The following DNASE1 variants were observed in gnomAD, a reference collection of about 807,000 sequenced individuals.
The protein encoded by DNASE1 is deoxyribonuclease 1, also known as deoxyribonuclease-1.
In DNASE1, 40 loss-of-function variants were observed where a neutral mutation model predicts 33.9. The observed-to-expected ratio is 1.18, with a 90% CI of 0.92 to 1.54. DNASE1 has a LOEUF of 1.54. DNASE1 is among the 40% of genes most tolerant of loss of function. The probability of loss-of-function intolerance (pLI) is 0.00; values close to 1 mark genes in which losing one functional copy is unlikely to be tolerated. For synonymous variants in DNASE1, 216 were observed against 160.0 expected (o/e 1.35, Z -2.64); for missense variants, 518 against 372.6 (o/e 1.39, Z -3.21).
Position 3,658,095 on chromosome 16 carries a change from A to G in DNASE1, c.*142A>G, listed in dbSNP as rs1259807082. ...TAAAGCTCAAGGAGGTGGGGCTGTC[A>G]TCTGTGGTGTCAGTCCTTCTGGCCC... On this transcript the variant is annotated 3_prime_UTR_variant, in exon 9 of 9. Coordinates refer to ENST00000246949, the MANE Select transcript of DNASE1 (RefSeq NM_005223.4). The G allele has an allele frequency of 1.2e-6, 2 of 1,611,776 alleles. No homozygotes were observed. The highest frequency in any genetic ancestry group is 3.3e-5 in the Admixed American group (2 of 59,966).
At chr16:3,643,992 C>T (rs547202923) in intron 1 of DNASE1, among the ~76,000 whole-genome samples, 5 of 152,068 alleles carry the variant, frequency 3.3e-5, no homozygotes, top group East Asian at 3.9e-4. Context: ...TTGCCTGCCT[C>T]GGCCTCCCAA....
chr16:3,652,527 A>G (rs541057620), upstream of DNASE1: 1 of 152,446 alleles, frequency 6.6e-6, no homozygotes, highest in South Asian at 2.1e-4. Flanking sequence ...AAAACAGGGA[A>G]GAACCATTGC....
chr16:3,642,323 T>C (rs1215404041), upstream of DNASE1, among the ~76,000 whole-genome samples: 8 of 152,218 alleles, frequency 5.3e-5, no homozygotes, highest in Admixed American at 5.2e-4. Context: ...CACTCCTGTG[T>C]CACCCGTAGT....
At chr16:3,659,152 C>A, downstream of DNASE1, 1 of 320,012 alleles carries the variant, frequency 3.1e-6, no homozygotes, top group Non-Finnish European at 5.7e-6. Flanking sequence ...TGCCTTGGTT[C>A]CTAGATAAAT....
intron 1 of DNASE1, among the ~76,000 whole-genome samples, chr16:3,634,803 A>C (rs763120854): frequency 5.7e-4 from 87 of 152,118 alleles, no homozygotes; most frequent in Middle Eastern, 3.4e-3. Context: ...GGTGTGAGCC[A>C]TTGTACCCAG....
chr16:3,657,711 A>G lies in DNASE1; in HGVS notation c.705-9A>G. ...GGGGAACCTACTTTCTCTTCCCAAC[A>G]CCCATCAGGATCGTGGTTGCAGGGA... On this transcript the variant is annotated splice_polypyrimidine_tract_variant and intron_variant, in intron 7 of 8. Coordinates refer to ENST00000246949, the MANE Select transcript of DNASE1 (RefSeq NM_005223.4). The G allele has an allele frequency of 6.2e-7, 1 of 1,613,762 alleles. No individual in the cohort carries two copies. Among genetic ancestry groups the G allele is most frequent in the Non-Finnish European group, 8.5e-7 (1 of 1,179,952 alleles).
exon 10 of DNASE1, chr16:3,664,116 A>G: frequency 1.4e-6 from 1 of 738,284 alleles, no homozygotes; most frequent in Non-Finnish European, 2.0e-6. Context: ...AGTGGGAAAC[A>G]GCCGTCACAG....
chr16:3,645,676 G>A (rs920122212), intron 1 of DNASE1, among the ~76,000 whole-genome samples: 1 of 152,250 alleles, frequency 6.6e-6, no homozygotes, highest in African/African-American at 2.4e-5. Flanking sequence ...ATAGCAGGCC[G>A]GGTTGGGGAA....
At chr16:3,636,473 C>T (rs1319786057) in intron 1 of DNASE1, among the ~76,000 whole-genome samples, 2 of 152,112 alleles carry the variant, frequency 1.3e-5, no homozygotes, top group African/African-American at 2.4e-5. Flanking sequence ...GCTTTTTAAT[C>T]GTAGTATGCC....
chr16:3,641,605 C>T (rs1381374073), upstream of DNASE1, among the ~76,000 whole-genome samples: 1 of 152,224 alleles, frequency 6.6e-6, no homozygotes, highest in East Asian at 1.9e-4. Context: ...CCATGTAGTT[C>T]AGCCCCACAG....
At chr16:3,624,337 ATAAAG>A (rs980712642) in intron 1 of DNASE1, among the ~76,000 whole-genome samples, 5 of 151,194 alleles carry the variant, frequency 3.3e-5, no homozygotes, top group African/African-American at 1.2e-4. Context: ...CTTTGAGATT[ATAAAG>A]TAATTTTCTG....
chr16:3,615,066 A>AT (rs376764728), intron 1 of DNASE1, among the ~76,000 whole-genome samples: 109 of 148,464 alleles, frequency 7.3e-4, no homozygotes, highest in Admixed American at 1.0e-3. Flanking sequence ...CACCTGTGGA[A>AT]TTTTTTTTTT....
At chr16:3,664,226 T>C in exon 10 of DNASE1, 1 of 1,488,052 alleles carries the variant, frequency 6.7e-7, no homozygotes. Context: ...GTCAAGACCC[T>C]CCCCAGGTTG....
exon 10 of DNASE1, chr16:3,664,077 C>A: frequency 1.7e-6 from 1 of 586,046 alleles, no homozygotes; most frequent in Non-Finnish European, 2.8e-6. Context: ...AAACAAAAAA[C>A]AAACAAAAAA....
downstream of DNASE1, chr16:3,661,911 T>C (rs1472224641): frequency 6.7e-7 from 1 of 1,492,158 alleles, no homozygotes; most frequent in Non-Finnish European, 8.9e-7. Context: ...CTGTGTCACA[T>C]TCCACAACAA....
At chr16:3,663,680 G>C (rs1011381133) in exon 10 of DNASE1, 9 of 1,305,038 alleles carry the variant, frequency 6.9e-6, no homozygotes, top group East Asian at 4.9e-5. Flanking sequence ...GGGAACACCG[G>C]GGCAGTTGGG....
chr16:3,637,043 G>C (rs763742738), intron 1 of DNASE1, among the ~76,000 whole-genome samples: 10 of 152,106 alleles, frequency 6.6e-5, no homozygotes, highest in South Asian at 2.1e-4. Context: ...AGAATCGCTT[G>C]AACCCAGGAG....
upstream of DNASE1, chr16:3,654,206 G>A (rs377615324): frequency 2.3e-5 from 9 of 396,692 alleles, no homozygotes; most frequent in East Asian, 1.1e-4. Flanking sequence ...CTGGTCACTC[G>A]GGATCCCCTG....
chr16:3,658,966 G>GACTGTCTGTAGTTTT, downstream of DNASE1: 1 of 1,198,204 alleles, frequency 8.3e-7, no homozygotes, highest in South Asian at 1.3e-5. Flanking sequence ...AGCACAGTAA[G>GACTGTCTGTAGTTTT]ACTGTCTGTA....
Sources: gnomAD v4.1 joint callset for allele counts (sites outside exome capture counted in the v4.1 genomes callset) on GRCh38, gnomAD v4.1.1 for gene constraint, MANE v1.5 for transcripts, NCBI Gene and HGNC (gene_info 2026-07-23, HGNC 2026-07-21) for gene names.